Variants in TACR3 observed in about 807,000 individuals in gnomAD.
TACR3 encodes neuromedin-K receptor.
TACR3 carries 34 observed loss-of-function variants against 35.0 expected under a neutral mutation model. The observed-to-expected ratio is 0.97, with a 90% CI of 0.74 to 1.30. The LOEUF is 1.30. Among genes scored for constraint, TACR3 ranks in the 50% most tolerant of loss-of-function variants. The pLI is 0.00. For missense variants in TACR3, 558 were observed against 591.7 expected, an observed-to-expected ratio of 0.94 and a Z score of 0.59; for synonymous variants, 233 against 221.1, an observed-to-expected ratio of 1.05 and a Z score of -0.48.
intron 3 of TACR3, among the ~76,000 whole-genome samples, chr4:103,610,561 T>C (rs547510978): frequency 2.0e-5 from 3 of 152,310 alleles, no homozygotes; most frequent in Admixed American, 2.0e-4. Flanking sequence ...GCAAATATTT[T>C]CTCCAATTCT....
At chr4:103,685,821 A>C (rs1722215051) in intron 1 of TACR3, among the ~76,000 whole-genome samples, 1 of 152,150 alleles carries the variant, frequency 6.6e-6, no homozygotes, top group East Asian at 1.9e-4. Context: ...TAATCTCTGT[A>C]AGAGCAAGAA....
chr4:103,684,975 T>A (rs1035186456), intron 1 of TACR3, among the ~76,000 whole-genome samples: 1 of 147,366 alleles, frequency 6.8e-6, no homozygotes, highest in East Asian at 2.0e-4. Context: ...AGAGCAAGGC[T>A]CCATCTCAAA....
At chr4:103,668,870 T>C (rs1329871329) in intron 1 of TACR3, among the ~76,000 whole-genome samples, 2 of 150,876 alleles carry the variant, frequency 1.3e-5, no homozygotes, top group East Asian at 3.9e-4. Flanking sequence ...AAAAGTCGTA[T>C]GTATTTATGA....
chr4:103,630,094 A>G (rs771986524), intron 3 of TACR3, among the ~76,000 whole-genome samples: 6 of 152,174 alleles, frequency 3.9e-5, no homozygotes, highest in Non-Finnish European at 8.8e-5. Flanking sequence ...TGGAGAAAGG[A>G]TTCCCTATTT....
chr4:103,600,929 A>T (rs1189752573), intron 3 of TACR3, among the ~76,000 whole-genome samples: 1 of 152,110 alleles, frequency 6.6e-6, no homozygotes, highest in Admixed American at 6.6e-5. Flanking sequence ...AAAAGAATGC[A>T]TATTTTGTTG....
At chr4:103,627,179 C>A (rs1435194674) in intron 3 of TACR3, among the ~76,000 whole-genome samples, 1 of 53,104 alleles carries the variant, frequency 1.9e-5, no homozygotes, top group Non-Finnish European at 3.0e-5. Flanking sequence ...GAGACTCCGT[C>A]TCAAAAAAAA....
chr4:103,613,271 CTG>C (rs1724552460), intron 3 of TACR3, among the ~76,000 whole-genome samples: 2 of 152,180 alleles, frequency 1.3e-5, no homozygotes, highest in Admixed American at 1.3e-4. Context: ...TAGTAAATAT[CTG>C]TGTGATAAAG....
intron 1 of TACR3, among the ~76,000 whole-genome samples, chr4:103,695,461 C>T (rs1722502086): frequency 6.6e-6 from 1 of 152,072 alleles, no homozygotes; most frequent in South Asian, 2.1e-4. Flanking sequence ...TATATTTTCT[C>T]TTCCTTATGA....
At chr4:103,601,138 C>T (rs1724189698) in intron 3 of TACR3, among the ~76,000 whole-genome samples, 1 of 152,110 alleles carries the variant, frequency 6.6e-6, no homozygotes, top group Non-Finnish European at 1.5e-5. Flanking sequence ...AATCTGGGTG[C>T]TCCTGTATTG....
At chr4:103,608,509 A>G (rs954409117) in intron 3 of TACR3, among the ~76,000 whole-genome samples, 2 of 152,102 alleles carry the variant, frequency 1.3e-5, no homozygotes, top group African/African-American at 4.8e-5. Flanking sequence ...ATCACACTAT[A>G]TACCCATGAA....
intron 3 of TACR3, among the ~76,000 whole-genome samples, chr4:103,619,739 AT>A (rs1460525145): frequency 6.6e-6 from 1 of 152,046 alleles, no homozygotes; most frequent in African/African-American, 2.4e-5. Context: ...GAAATTTTGG[AT>A]TTTTATCAAA....
At chr4:103,606,172 C>T (rs1345782832) in intron 3 of TACR3, among the ~76,000 whole-genome samples, 1 of 151,402 alleles carries the variant, frequency 6.6e-6, no homozygotes, top group Non-Finnish European at 1.5e-5. Flanking sequence ...CTGTTCTGTT[C>T]CATTGGTCTA....
Position 103,586,213 on chromosome 4 carries a change from A to G in TACR3, c.*3469T>C, listed in dbSNP as rs947501715. On this transcript the variant is annotated 3_prime_UTR_variant, in exon 5 of 5. Transcript: ENST00000304883. ...TACTTCTTATATAAACAGATTTTTC[A>G]TATATATATATATATGTATGAAAAC... 4.3e-5 allele frequency: 6 copies of G among 140,572 alleles called. No individual in the cohort carries two copies. Among genetic ancestry groups the G allele is most frequent in the Non-Finnish European group, 6.1e-5 (4 of 65,518 alleles). 8.7% of individuals were successfully genotyped at this position (140,572 alleles called of 1,614,324 possible). A position where few individuals can be genotyped will look rare whatever the true frequency, so the allele number is the denominator to read the frequency against.
At chr4:103,626,322 G>A (rs116177345) in intron 3 of TACR3, among the ~76,000 whole-genome samples, 1 of 152,306 alleles carries the variant, frequency 6.6e-6, no homozygotes, top group East Asian at 1.9e-4. Context: ...CCATCAGAGA[G>A]AGCCTGGTCA....
chr4:103,718,543 C>T (rs1163372950), intron 1 of TACR3, among the ~76,000 whole-genome samples: 2 of 152,170 alleles, frequency 1.3e-5, no homozygotes, highest in African/African-American at 4.8e-5. Context: ...GTGGAAACTG[C>T]TAGTTTACAG....
chr4:103,691,222 A>G (rs1367847967), intron 1 of TACR3, among the ~76,000 whole-genome samples: 2 of 152,204 alleles, frequency 1.3e-5, no homozygotes, highest in Non-Finnish European at 2.9e-5. Flanking sequence ...TGTCCTTTGT[A>G]AACAAACTGT....
At chr4:103,700,404 A>T (rs1346181053) in intron 1 of TACR3, among the ~76,000 whole-genome samples, 1 of 152,174 alleles carries the variant, frequency 6.6e-6, no homozygotes, top group Non-Finnish European at 1.5e-5. Flanking sequence ...ATACTTGGGC[A>T]GGTGTGAAGG....
chr4:103,600,665 G>T (rs1350860846), intron 3 of TACR3, among the ~76,000 whole-genome samples: 1 of 152,074 alleles, frequency 6.6e-6, no homozygotes, highest in East Asian at 1.9e-4. Context: ...TTGTGTCTTT[G>T]TTCTCATTGG....
At chr4:103,597,014 G>A (rs1405157553) in intron 3 of TACR3, among the ~76,000 whole-genome samples, 3 of 152,122 alleles carry the variant, frequency 2.0e-5, no homozygotes, top group South Asian at 2.1e-4. Flanking sequence ...TTGGACATTT[G>A]GGTTGGTTCC....
Sources: allele counts gnomAD v4.1 joint callset (sites outside exome capture counted in the v4.1 genomes callset), GRCh38; gene constraint gnomAD v4.1.1; transcripts MANE v1.5; gene names NCBI Gene and HGNC (gene_info 2026-07-23, HGNC 2026-07-21).